CSMD1: variants seen among roughly 807,000 people sequenced by gnomAD.
The protein encoded by CSMD1 is CUB and sushi domain-containing protein 1.
CSMD1 carries 213 observed loss-of-function variants against 417.5 expected under a neutral mutation model. That is an observed-to-expected ratio of 0.51 (90% CI 0.46 to 0.57). The LOEUF is 0.57. Ranked by LOEUF, CSMD1 falls within the 20% of genes least tolerant of loss-of-function variation. CSMD1 has a pLI of 0.00. For synonymous variants in CSMD1, 2,862 were observed against 1,736.8 expected, an observed-to-expected ratio of 1.65 and a Z score of -16.11; for missense variants, 6,923 against 4,529.7, an observed-to-expected ratio of 1.53 and a Z score of -15.17.
At chr8:4,591,752 G>A (rs1434717076) in intron 2 of CSMD1, among the ~76,000 whole-genome samples, 1 of 152,082 alleles carries the variant, frequency 6.6e-6, no homozygotes, top group African/African-American at 2.4e-5. Context: ...GAGGGGATAG[G>A]ATCTGTTTTG....
At chr8:3,969,735 G>A (rs145983495) in intron 5 of CSMD1, among the ~76,000 whole-genome samples, 79 of 152,316 alleles carry the variant, frequency 5.2e-4, no homozygotes, top group African/African-American at 1.9e-3. Context: ...ATAACCATGT[G>A]TAGATGCCAC....
At chr8:4,853,245 G>T (rs771272086) in intron 1 of CSMD1, among the ~76,000 whole-genome samples, 1 of 152,114 alleles carries the variant, frequency 6.6e-6, no homozygotes, top group African/African-American at 2.4e-5. Context: ...GATCTATGAG[G>T]CAGCCCTTCC....
intron 3 of CSMD1, among the ~76,000 whole-genome samples, chr8:4,101,190 T>C (rs1032045711): frequency 6.6e-6 from 1 of 152,254 alleles, no homozygotes; most frequent in African/African-American, 2.4e-5. Context: ...TACATCTATA[T>C]GCCTACATAC....
chr8:3,577,485 A>C (rs1477847957), intron 9 of CSMD1, among the ~76,000 whole-genome samples: 1 of 152,214 alleles, frequency 6.6e-6, no homozygotes, highest in East Asian at 1.9e-4. Context: ...CCATTTTTTT[A>C]TTAAGCCATC....
rs1237976652 is a variant in CSMD1, at chr8:2,942,577, G to C, written c.10430C>G (p.Ser3477Cys). The C allele has an allele frequency of 1.3e-6, 2 of 1,599,370 alleles. No individual in the cohort carries two copies. The highest frequency in any genetic ancestry group is 1.7e-6 in the Non-Finnish European group (2 of 1,172,160). ...ACTGCTGGTGCCGTGGTAATGACTG[G>C]AAGAGTCTTGATCTGGGTTTAAAGG... ...QDPLNPDQDS[S>C]SHYHGTSSGS... The change falls in exon 69 of 70, where the codon TCC (serine) becomes TGC (cysteine). Residue 3477 changes from serine (S) to cysteine (C), a missense_variant. Ser to Cys is a moderately radical substitution (Grantham distance 112). Transcript: ENST00000635120.
chr8:3,114,274 T>C (rs1299293310), intron 42 of CSMD1, among the ~76,000 whole-genome samples: 2 of 151,882 alleles, frequency 1.3e-5, no homozygotes, highest in African/African-American at 4.8e-5. Flanking sequence ...AACAAAATAA[T>C]TTAAATTTTA....
chr8:4,751,710 A>C (rs12541886), intron 1 of CSMD1, among the ~76,000 whole-genome samples: 21 of 151,836 alleles, frequency 1.4e-4, no homozygotes, highest in Admixed American at 4.6e-4. Context: ...ACACAGACCA[A>C]TTTTATTTTC....
At chr8:3,552,395 G>C (rs1414154323) in intron 10 of CSMD1, among the ~76,000 whole-genome samples, 3 of 152,024 alleles carry the variant, frequency 2.0e-5, no homozygotes, top group Non-Finnish European at 2.9e-5. Context: ...AGCATTACAT[G>C]CTAAAATAAA....
At chr8:3,560,750 A>C (rs780329314) in intron 10 of CSMD1, among the ~76,000 whole-genome samples, 1 of 152,192 alleles carries the variant, frequency 6.6e-6, no homozygotes, top group African/African-American at 2.4e-5. Context: ...GCAGCCTTTC[A>C]GGAGAACTTT....
chr8:4,901,068 T>C (rs1361158225), intron 1 of CSMD1, among the ~76,000 whole-genome samples: 2 of 152,044 alleles, frequency 1.3e-5, no homozygotes, highest in Non-Finnish European at 2.9e-5. Flanking sequence ...TTACACAGAG[T>C]TGAAGCAATT....
At chr8:4,620,898 A>C (rs565229238) in intron 2 of CSMD1, among the ~76,000 whole-genome samples, 1 of 152,074 alleles carries the variant, frequency 6.6e-6, no homozygotes, top group East Asian at 1.9e-4. Flanking sequence ...AATTGAGTAA[A>C]GTAAAAAAAA....
At chr8:3,532,091 A>C (rs920147461) in intron 10 of CSMD1, among the ~76,000 whole-genome samples, 1 of 152,134 alleles carries the variant, frequency 6.6e-6, no homozygotes, top group East Asian at 1.9e-4. Flanking sequence ...AAGCCCCTAC[A>C]TTCCACTTTG....
At chr8:4,379,373 T>C (rs115245116) in intron 3 of CSMD1, among the ~76,000 whole-genome samples, 2,352 of 152,232 alleles carry the variant, frequency 0.015, 47 homozygotes, top group African/African-American at 0.045. Context: ...ATAAATAGAA[T>C]GTAGAATTTT....
At chr8:3,896,205 T>C (rs182255036) in intron 5 of CSMD1, among the ~76,000 whole-genome samples, 1 of 152,278 alleles carries the variant, frequency 6.6e-6, no homozygotes, top group Non-Finnish European at 1.5e-5. Flanking sequence ...GTGACAAACA[T>C]CTTCCAATTC....
chr8:4,467,339 G>C (rs538629174), intron 2 of CSMD1, among the ~76,000 whole-genome samples: 1 of 152,162 alleles, frequency 6.6e-6, no homozygotes, highest in East Asian at 1.9e-4. Context: ...ACCCATTACT[G>C]AATGTGTAAT....
chr8:4,277,660 A>G (rs140977458), intron 3 of CSMD1, among the ~76,000 whole-genome samples: 4 of 152,310 alleles, frequency 2.6e-5, no homozygotes, highest in African/African-American at 9.6e-5. Context: ...TGTTTGTATC[A>G]TGTACTGATT....
intron 3 of CSMD1, among the ~76,000 whole-genome samples, chr8:4,291,792 C>T (rs1286970716): frequency 2.0e-5 from 3 of 152,164 alleles, no homozygotes; most frequent in African/African-American, 4.8e-5. Flanking sequence ...TAATATAAGA[C>T]AAGTAATATC....
chr8:3,094,224 G>C (rs1193697565), intron 47 of CSMD1, among the ~76,000 whole-genome samples: 1 of 151,964 alleles, frequency 6.6e-6, no homozygotes, highest in South Asian at 2.1e-4. Flanking sequence ...TCTTGCCTCA[G>C]GCTCCTGAGT....
chr8:4,064,593 G>A (rs545671190), intron 3 of CSMD1, among the ~76,000 whole-genome samples: 7 of 152,280 alleles, frequency 4.6e-5, no homozygotes, highest in South Asian at 2.1e-4. Flanking sequence ...TACAACTGCC[G>A]TTTCCGAACG....
Sources: gnomAD v4.1 joint callset for allele counts (sites outside exome capture counted in the v4.1 genomes callset) on GRCh38, gnomAD v4.1.1 for gene constraint, MANE v1.5 for transcripts, NCBI Gene and HGNC (gene_info 2026-07-23, HGNC 2026-07-21) for gene names.